The following CSNK2A2IP variants were observed in gnomAD, a reference collection of about 807,000 sequenced individuals.
The protein encoded by CSNK2A2IP is casein kinase 2 subunit alpha' interacting protein.
chr3:88,413,548 T>C, the CSNK2A2IP span, among the ~76,000 whole-genome samples: 1 of 151,832 alleles, frequency 6.6e-6, no homozygotes, highest in African/African-American at 2.4e-5. Context: ...TATTTAGGAG[T>C]GACATATACT....
At chr3:88,467,126 C>T in the CSNK2A2IP span, 5 of 432,532 alleles carry the variant, frequency 1.2e-5, no homozygotes, top group Admixed American at 4.4e-5. Flanking sequence ...GGCCAACAGC[C>T]CCAGGCTATT....
chr3:88,386,337 G>T, the CSNK2A2IP span, among the ~76,000 whole-genome samples: 2 of 152,116 alleles, frequency 1.3e-5, no homozygotes, highest in East Asian at 1.9e-4. Flanking sequence ...TGTTGGCCGG[G>T]CCAGTCTCAA....
At chr3:88,430,064 T>G in the CSNK2A2IP span, among the ~76,000 whole-genome samples, 1 of 151,738 alleles carries the variant, frequency 6.6e-6, no homozygotes, top group African/African-American at 2.4e-5. Flanking sequence ...CCCGGCCGAG[T>G]AGGAACATTT....
At chr3:88,371,485 A>G in the CSNK2A2IP span, among the ~76,000 whole-genome samples, 1 of 151,816 alleles carries the variant, frequency 6.6e-6, no homozygotes, top group Non-Finnish European at 1.5e-5. Flanking sequence ...TAACATGAAC[A>G]TAGTTCAATA....
chr3:88,350,126 A>C, the CSNK2A2IP span, among the ~76,000 whole-genome samples: 1 of 151,732 alleles, frequency 6.6e-6, no homozygotes. Flanking sequence ...AGAATTGTTC[A>C]CTCCATCCCA....
chr3:88,447,485 A>T, the CSNK2A2IP span, among the ~76,000 whole-genome samples: 2 of 152,140 alleles, frequency 1.3e-5, no homozygotes, highest in Admixed American at 1.3e-4. Flanking sequence ...AGGAAAATGT[A>T]CAAAAATATT....
the CSNK2A2IP span, among the ~76,000 whole-genome samples, chr3:88,434,919 T>C: frequency 1.3e-5 from 2 of 152,182 alleles, no homozygotes; most frequent in Admixed American, 6.5e-5. Flanking sequence ...GATGATAATC[T>C]AAAAAGTTCA....
the CSNK2A2IP span, among the ~76,000 whole-genome samples, chr3:88,449,708 C>G: frequency 3.4e-5 from 5 of 148,250 alleles, no homozygotes; most frequent in Admixed American, 6.7e-5. Flanking sequence ...TGAAATCAAC[C>G]ACACTCCACA....
the CSNK2A2IP span, among the ~76,000 whole-genome samples, chr3:88,360,881 A>G: frequency 9.9e-5 from 15 of 152,088 alleles, no homozygotes; most frequent in African/African-American, 3.6e-4. Flanking sequence ...GAGAATTACA[A>G]ATAACACTTA....
chr3:88,363,580 C>A, the CSNK2A2IP span, among the ~76,000 whole-genome samples: 1 of 152,106 alleles, frequency 6.6e-6, no homozygotes, highest in Non-Finnish European at 1.5e-5. Context: ...CGTTGATTTG[C>A]ATGTTTCATA....
At chr3:88,449,874 T>TATAGAGAGAGAG in the CSNK2A2IP span, among the ~76,000 whole-genome samples, 1 of 70,046 alleles carries the variant, frequency 1.4e-5, no homozygotes, top group African/African-American at 4.7e-5. Flanking sequence ...TATATATATA[T>TATAGAGAGAGAG]AGAGAGAGAG....
At chr3:88,365,071 C>T in the CSNK2A2IP span, among the ~76,000 whole-genome samples, 4 of 152,034 alleles carry the variant, frequency 2.6e-5, no homozygotes, top group Non-Finnish European at 5.9e-5. Context: ...AGTGTCTGAT[C>T]CAGGATGTGG....
chr3:88,444,346 G>A, the CSNK2A2IP span, among the ~76,000 whole-genome samples: 2 of 152,124 alleles, frequency 1.3e-5, no homozygotes, highest in Non-Finnish European at 2.9e-5. Context: ...ATTAACAGGA[G>A]TTTATGTCAA....
At chr3:88,364,035 T>A in the CSNK2A2IP span, among the ~76,000 whole-genome samples, 1 of 152,176 alleles carries the variant, frequency 6.6e-6, no homozygotes, top group Non-Finnish European at 1.5e-5. Context: ...TTTGATAGTC[T>A]GTCTTTGGCA....
chr3:88,448,225 G>A, the CSNK2A2IP span, among the ~76,000 whole-genome samples: 29 of 152,264 alleles, frequency 1.9e-4, no homozygotes, highest in East Asian at 5.2e-3. Flanking sequence ...TGAGATCCTG[G>A]ATCCTACACC....
At chr3:88,373,418 T>G in the CSNK2A2IP span, among the ~76,000 whole-genome samples, 1 of 151,108 alleles carries the variant, frequency 6.6e-6, no homozygotes, top group Non-Finnish European at 1.5e-5. Flanking sequence ...ATTCAAGAAA[T>G]TTTGAAGTGA....
At chr3:88,418,684 C>T in the CSNK2A2IP span, among the ~76,000 whole-genome samples, 1 of 151,984 alleles carries the variant, frequency 6.6e-6, no homozygotes, top group Non-Finnish European at 1.5e-5. Flanking sequence ...TGAGAGGGTA[C>T]ATGTGCAGGT....
the CSNK2A2IP span, among the ~76,000 whole-genome samples, chr3:88,429,469 T>C: frequency 6.6e-6 from 1 of 152,188 alleles, no homozygotes; most frequent in Admixed American, 6.5e-5. Flanking sequence ...ACGTTCTGCT[T>C]TTTAATCTCT....
At chr3:88,370,480 T>C in the CSNK2A2IP span, among the ~76,000 whole-genome samples, 7 of 151,700 alleles carry the variant, frequency 4.6e-5, no homozygotes, top group African/African-American at 1.7e-4. Flanking sequence ...TTCATGATAG[T>C]TTTTGTTATT....
Sources: gnomAD v4.1 joint callset for allele counts (sites outside exome capture counted in the v4.1 genomes callset) on GRCh38, gnomAD v4.1.1 for gene constraint, MANE v1.5 for transcripts, NCBI Gene and HGNC (gene_info 2026-07-23, HGNC 2026-07-21) for gene names.